Variants in OR51B5 observed in about 807,000 individuals in gnomAD.
OR51B5 encodes olfactory receptor family 51 subfamily B member 5, also known as olfactory receptor 51B5.
For synonymous variants in OR51B5, 186 were observed against 144.8 expected (o/e 1.28, Z -2.04); for missense variants, 456 against 374.6 (o/e 1.22, Z -1.79).
upstream of OR51B5, among the ~76,000 whole-genome samples, chr11:5,343,822 T>G (rs112996858): frequency 9.6e-4 from 146 of 152,336 alleles, no homozygotes; most frequent in African/African-American, 3.3e-3. Flanking sequence ...AAACTACAAC[T>G]TCTAAACTGT....
At chr11:5,370,560 C>T (rs1432805293) in intron 1 of OR51B5, among the ~76,000 whole-genome samples, 2 of 152,144 alleles carry the variant, frequency 1.3e-5, no homozygotes, top group Non-Finnish European at 2.9e-5. Context: ...CTTTCTCACT[C>T]TTTCTGTGTT....
chr11:5,369,570 T>G (rs1336435960), intron 1 of OR51B5, among the ~76,000 whole-genome samples: 1 of 152,170 alleles, frequency 6.6e-6, no homozygotes, highest in Admixed American at 6.5e-5. Context: ...ATGTCTATGA[T>G]ATAATTTAAA....
chr11:5,458,366 T>C (rs746822792), intron 1 of OR51B5, among the ~76,000 whole-genome samples: 5 of 152,326 alleles, frequency 3.3e-5, no homozygotes, highest in East Asian at 3.9e-4. Flanking sequence ...AGTAGCCTTA[T>C]AGTATAGTTT....
At chr11:5,341,797 A>C (rs1428350422), downstream of OR51B5, among the ~76,000 whole-genome samples, 1 of 152,198 alleles carries the variant, frequency 6.6e-6, no homozygotes, top group African/African-American at 2.4e-5. Flanking sequence ...CAGCCAGCGT[A>C]GATATCTGAG....
intron 1 of OR51B5, among the ~76,000 whole-genome samples, chr11:5,369,504 A>G: frequency 6.6e-6 from 1 of 152,316 alleles, no homozygotes; most frequent in Admixed American, 6.5e-5. Flanking sequence ...CATTTAAAAA[A>G]GTATACAACT....
intron 1 of OR51B5, chr11:5,392,850 T>A (rs1279311287): frequency 6.6e-6 from 1 of 152,046 alleles, no homozygotes; most frequent in Admixed American, 6.5e-5. Flanking sequence ...AGGTGGAGCT[T>A]GCAGTGAGCC....
chr11:5,383,177 T>C (rs1849637151), intron 1 of OR51B5, among the ~76,000 whole-genome samples: 1 of 152,026 alleles, frequency 6.6e-6, no homozygotes, highest in African/African-American at 2.4e-5. Context: ...GTAGGGCTCA[T>C]TGAAGGAAAG....
At chr11:5,422,831 G>A (rs2736586) in intron 1 of OR51B5, 648,443 of 1,613,396 alleles carry the variant, frequency 0.4, 133,825 homozygotes, top group East Asian at 0.68. Context: ...CATTATTATC[G>A]TGGATCCTCT....
intron 1 of OR51B5, among the ~76,000 whole-genome samples, chr11:5,451,526 A>G (rs566162818): frequency 9.8e-4 from 149 of 152,346 alleles, no homozygotes; most frequent in South Asian, 5.0e-3. Context: ...ACCAGAAGGG[A>G]CATATTCAGT....
chr11:5,434,736 G>A (rs972095252), intron 1 of OR51B5, among the ~76,000 whole-genome samples: 2 of 152,180 alleles, frequency 1.3e-5, no homozygotes, highest in Non-Finnish European at 2.9e-5. Context: ...GACAACCAGA[G>A]GGGCAATTTC....
At chr11:5,390,464 C>T (rs1457024800) in intron 1 of OR51B5, 3 of 1,199,472 alleles carry the variant, frequency 2.5e-6, no homozygotes, top group Admixed American at 2.9e-5. Flanking sequence ...ATATAGCATG[C>T]TCTTAAAGAT....
chr11:5,378,269 T>A (rs1425575102), intron 1 of OR51B5, among the ~76,000 whole-genome samples: 1 of 152,134 alleles, frequency 6.6e-6, no homozygotes, highest in Non-Finnish European at 1.5e-5. Flanking sequence ...TGTAGAATGC[T>A]GAAACTGGAT....
At chr11:5,497,547 C>T (rs1413704858) in intron 1 of OR51B5, among the ~76,000 whole-genome samples, 2 of 152,112 alleles carry the variant, frequency 1.3e-5, no homozygotes, top group Non-Finnish European at 2.9e-5. Context: ...CTTGGGACTA[C>T]CAGGATCTCC....
chr11:5,454,398 T>C, intron 1 of OR51B5: 9 of 1,607,324 alleles, frequency 5.6e-6, no homozygotes, highest in Non-Finnish European at 7.6e-6. Flanking sequence ...CCGAGCCATT[T>C]TCCGCATGTT....
chr11:5,361,683 T>TAATC (rs752803533), intron 1 of OR51B5, among the ~76,000 whole-genome samples: 4 of 152,236 alleles, frequency 2.6e-5, no homozygotes, highest in Non-Finnish European at 4.4e-5. Flanking sequence ...GGCTTCTGAA[T>TAATC]AATCTCTTTT....
intron 1 of OR51B5, chr11:5,430,985 C>A (rs745489260): frequency 1.3e-5 from 6 of 456,850 alleles, no homozygotes; most frequent in Non-Finnish European, 2.6e-5. Context: ...CCGAAATTTG[C>A]GAGAACAATG....
At chr11:5,489,338 G>T (rs1171315717) in intron 1 of OR51B5, 2 of 1,614,024 alleles carry the variant, frequency 1.2e-6, no homozygotes, top group East Asian at 4.5e-5. Flanking sequence ...CTGGCCATGG[G>T]ACTGGATTCC....
At chr11:5,390,621 G>T in intron 1 of OR51B5, 1 of 441,388 alleles carries the variant, frequency 2.3e-6, no homozygotes, top group South Asian at 5.7e-5. Flanking sequence ...TATCCAGAAG[G>T]CAACTTTATT....
chr11:5,465,930 A>T (rs573548918), intron 1 of OR51B5, among the ~76,000 whole-genome samples: 72 of 151,510 alleles, frequency 4.8e-4, no homozygotes, highest in Middle Eastern at 3.4e-3. Flanking sequence ...ACCAAAAGCA[A>T]TGGCAACAAA....
Sources: gnomAD v4.1 joint callset for allele counts (sites outside exome capture counted in the v4.1 genomes callset) on GRCh38, gnomAD v4.1.1 for gene constraint, MANE v1.5 for transcripts, NCBI Gene and HGNC (gene_info 2026-07-23, HGNC 2026-07-21) for gene names.